Variants in CFAP251 observed in about 807,000 individuals in gnomAD.
The protein encoded by CFAP251 is cilia- and flagella-associated protein 251.
Under a neutral mutation model 126.7 loss-of-function variants are expected in CFAP251, and 93 were observed. The observed-to-expected ratio is 0.73, with a 90% CI of 0.62 to 0.87. The LOEUF (loss-of-function observed/expected upper bound fraction) is 0.87, where lower values mean the gene tolerates loss of function less well. CFAP251 is among the 40% of genes least tolerant of loss of function. The probability of loss-of-function intolerance (pLI) is 0.00; values close to 1 mark genes in which losing one functional copy is unlikely to be tolerated. For missense variants in CFAP251, 1,287 were observed against 1,389.2 expected (o/e 0.93, Z 1.17); for synonymous variants, 503 against 506.9 (o/e 0.99, Z 0.10).
intron 19 of CFAP251, among the ~76,000 whole-genome samples, chr12:121,985,633 T>C (rs910741754): frequency 6.6e-5 from 10 of 150,900 alleles, no homozygotes; most frequent in South Asian, 2.1e-4. Context: ...ATATATAATA[T>C]ATATAAATAT....
chr12:121,932,414 T>G (rs1283452030), intron 4 of CFAP251: 2 of 152,332 alleles, frequency 1.3e-5, no homozygotes, highest in African/African-American at 4.8e-5. Flanking sequence ...AGTAGGTCAG[T>G]TGTCCTTTTA....
chr12:121,919,009 A>G (rs935330616), intron 1 of CFAP251, among the ~76,000 whole-genome samples: 2 of 152,044 alleles, frequency 1.3e-5, no homozygotes, highest in Non-Finnish European at 2.9e-5. Context: ...CAGAGCAGTG[A>G]TTTTTCAGCT....
intron 19 of CFAP251, among the ~76,000 whole-genome samples, chr12:121,993,701 G>A (rs1427041333): frequency 3.5e-5 from 5 of 144,472 alleles, no homozygotes; most frequent in Admixed American, 6.9e-5. Flanking sequence ...CGGCCGCCCC[G>A]TCTGAGAAGT....
At chr12:121,934,412 C>T in intron 5 of CFAP251, 56 bp downstream of exon 5, 1 of 1,352,342 alleles carries the variant, frequency 7.4e-7, no homozygotes, top group Non-Finnish European at 1.0e-6. Flanking sequence ...GTATCTGCCA[C>T]TGTGTGACAG....
In CFAP251 at chr12:121,979,563, C is replaced by CTTCTTTTTTTTT. The variant is rs751383402; in HGVS notation, c.3006+3880_3006+3881insCTTTTTTTTTTT. 8.2e-5 allele frequency among the ~76,000 whole-genome samples: 7 copies of CTTCTTTTTTTTT among 85,000 alleles called. No individual in the cohort carries two copies. The East Asian group carries it at 2.6e-3, about 31-fold the overall frequency. 55.8% of individuals were successfully genotyped at this position (85,000 alleles called of 152,430 possible). A position where few individuals can be genotyped will look rare whatever the true frequency, so the allele number is the denominator to read the frequency against. On this transcript the variant is annotated intron_variant, in intron 19 of 21. Transcript: ENST00000288912. ...GAGATCATTAGTCAGCTTTCTTCTTCTTTTTTTTTTTTTTTTTTTGAGACA... is the reference window on the plus strand; with the variant it reads ...GAGATCATTAGTCAGCTTTCTTCTTCTTCTTTTTTTTTTTTTTTTTTTTTTTTTTTTGAGACA...
intron 6 of CFAP251, 68 bp from the exon 7 acceptor site, chr12:121,942,827 A>G (rs1015142488): frequency 1.1e-5 from 17 of 1,555,184 alleles, no homozygotes; most frequent in African/African-American, 1.4e-5. Flanking sequence ...GGTCACCACA[A>G]GAGGTGTAAG....
chr12:121,931,123 T>C (rs536859422), intron 3 of CFAP251, among the ~76,000 whole-genome samples: 3 of 152,308 alleles, frequency 2.0e-5, no homozygotes, highest in South Asian at 2.1e-4. Flanking sequence ...AGAAAGTAAA[T>C]GGAATTTCAC....
At chr12:121,963,702 G>A (rs1427048823) in intron 15 of CFAP251, among the ~76,000 whole-genome samples, 14 of 149,912 alleles carry the variant, frequency 9.3e-5, no homozygotes, top group Admixed American at 8.1e-4. Context: ...GTACAGCAGG[G>A]CCTGCACTGT....
chr12:121,951,758 G>A (rs985237137), intron 9 of CFAP251, among the ~76,000 whole-genome samples: 4 of 151,740 alleles, frequency 2.6e-5, no homozygotes, highest in Admixed American at 6.6e-5. Context: ...TTGCTCTGTC[G>A]CCCAGGCTGG....
chr12:121,970,407 C>A (rs1402057515), intron 17 of CFAP251, among the ~76,000 whole-genome samples: 1 of 152,308 alleles, frequency 6.6e-6, no homozygotes, highest in Non-Finnish European at 1.5e-5. Flanking sequence ...TACCTGCTTG[C>A]TGGATGACGC....
chr12:121,970,161 A>T (rs534737808), intron 17 of CFAP251, among the ~76,000 whole-genome samples: 23 of 152,266 alleles, frequency 1.5e-4, no homozygotes, highest in African/African-American at 4.6e-4. Flanking sequence ...CTACCATCAC[A>T]GTCTATGGCG....
intron 12 of CFAP251, among the ~76,000 whole-genome samples, 183 bp from the exon 13 acceptor site, chr12:121,958,760 G>A (rs1429577595): frequency 6.6e-6 from 1 of 152,234 alleles, no homozygotes; most frequent in Non-Finnish European, 1.5e-5. Context: ...GGTGTCCTGG[G>A]CCTATCTGTG....
At chr12:122,002,490 G>A (rs1428394392) in intron 21 of CFAP251, among the ~76,000 whole-genome samples, 4 of 152,034 alleles carry the variant, frequency 2.6e-5, no homozygotes, top group Non-Finnish European at 5.9e-5. Context: ...CGGTGAGTGA[G>A]GATTGTGCCA....
intron 19 of CFAP251, among the ~76,000 whole-genome samples, chr12:121,979,563 C>CTTCTTTTTTTTTTT (rs751383402): frequency 1.2e-5 from 1 of 84,978 alleles, no homozygotes; most frequent in African/African-American, 4.2e-5. Flanking sequence ...CTTTCTTCTT[C>CTTCTTTTTTTTTTT]TTTTTTTTTT....
At chr12:121,949,104 T>G (rs764624765) in intron 8 of CFAP251, 43 bp downstream of exon 8, 1 of 1,298,056 alleles carries the variant, frequency 7.7e-7, no homozygotes, top group Admixed American at 2.1e-5. Context: ...TGGGTAGAAG[T>G]ATGTGTTCAT....
At position 121,974,187 on chromosome 12, in the gene CFAP251, G is replaced by A. The variant is rs918362025; in HGVS notation, c.2772-1057G>A. 6.6e-6 allele frequency among the ~76,000 whole-genome samples: 1 copy of A among 152,014 alleles called. No individual in the cohort carries two copies. ...GATAAGGGGAAACCTGATTCACTTG[G>A]TCTCTCATTCTCTCTCTTGCCACTG... On this transcript the variant is annotated intron_variant, in intron 17 of 21. Transcript: ENST00000288912. This position sits in a 1 kb window ranked among gnomAD's most constrained non-coding sequence, Gnocchi z 4.6.
chr12:121,963,415 A>C (rs1056521375), intron 15 of CFAP251, among the ~76,000 whole-genome samples: 9 of 151,992 alleles, frequency 5.9e-5, no homozygotes, highest in African/African-American at 1.9e-4. Context: ...GTGGGAACCC[A>C]CGAATCAGAC....
intron 19 of CFAP251, among the ~76,000 whole-genome samples, chr12:121,982,247 C>T (rs1394241120): frequency 6.6e-6 from 1 of 151,926 alleles, no homozygotes; most frequent in African/African-American, 2.4e-5. Flanking sequence ...CACTCTGTCG[C>T]CCAGGCTGGA....
At position 121,962,173 on chromosome 12, in the gene CFAP251, G is replaced by A. The variant is rs759543654; in HGVS notation, c.2492+11G>A. ...TACCAAAATGTGCAGGTAAGCACCC[G>A]GAGCTTCCCATTGCAGGGGGCGTGG... On this transcript the variant is annotated intron_variant, in intron 15 of 21. Transcript: ENST00000288912. 4.5e-5 allele frequency: 73 copies of A among 1,610,414 alleles called. No homozygotes were observed. Among genetic ancestry groups the A allele is most frequent in the Non-Finnish European group, 5.3e-5 (63 of 1,178,636 alleles).
Sources: gnomAD v4.1 joint callset for allele counts (sites outside exome capture counted in the v4.1 genomes callset) on GRCh38, gnomAD v4.1.1 for gene constraint, Gnocchi (gnomAD v3.1) non-coding constraint, MANE v1.5 for transcripts, NCBI Gene and HGNC (gene_info 2026-07-23, HGNC 2026-07-21) for gene names.